The following ENOX1 variants were observed in gnomAD, a reference collection of about 807,000 sequenced individuals.
The protein encoded by ENOX1 is candidate growth-related and time keeping constitutive hydroquinone (NADH) oxidase.
ENOX1 carries 42 observed loss-of-function variants against 82.5 expected under a neutral mutation model. The ratio of observed to expected loss-of-function variants is 0.51; its 90% CI spans 0.40 to 0.66. The LOEUF (loss-of-function observed/expected upper bound fraction) is 0.66, where lower values mean the gene tolerates loss of function less well. ENOX1 is among the 30% of genes least tolerant of loss of function. The pLI, the probability that ENOX1 is intolerant of heterozygous loss-of-function variation, is 0.00. For synonymous variants in ENOX1, 271 were observed against 282.2 expected (o/e 0.96, Z 0.40); for missense variants, 608 against 811.6 (o/e 0.75, Z 3.05).
intron 2 of ENOX1, among the ~76,000 whole-genome samples, chr13:43,512,062 G>A (rs74865112): frequency 1.3e-5 from 2 of 152,010 alleles, no homozygotes; most frequent in East Asian, 1.9e-4. Flanking sequence ...AATACTGTAT[G>A]TAGATGCATA....
chr13:43,459,285 T>C (rs12863589), intron 3 of ENOX1: 2 of 152,106 alleles, frequency 1.3e-5, no homozygotes, highest in Admixed American at 6.5e-5. Flanking sequence ...TCTGGCAATT[T>C]TGGCAATCAA....
chr13:43,777,668 A>G (rs890018556), intron 1 of ENOX1, among the ~76,000 whole-genome samples: 44 of 150,594 alleles, frequency 2.9e-4, no homozygotes, highest in African/African-American at 1.1e-3. Flanking sequence ...TCAGCCCCCC[A>G]GGTAGCTGGG....
At chr13:43,741,870 G>A (rs966964536) in intron 1 of ENOX1, among the ~76,000 whole-genome samples, 3 of 152,094 alleles carry the variant, frequency 2.0e-5, no homozygotes, top group African/African-American at 7.2e-5. Context: ...TATAGCTTTA[G>A]GTCTTATTTT....
chr13:43,728,699 C>T (rs2089144703), intron 1 of ENOX1, among the ~76,000 whole-genome samples: 1 of 152,150 alleles, frequency 6.6e-6, no homozygotes, highest in South Asian at 2.1e-4. Context: ...GGGAGATGCA[C>T]TGGGAATTTC....
chr13:43,475,076 G>A (rs753707253), intron 3 of ENOX1, among the ~76,000 whole-genome samples: 10 of 152,194 alleles, frequency 6.6e-5, no homozygotes, highest in Non-Finnish European at 1.3e-4. Flanking sequence ...GAGTTTACAC[G>A]GTGTTGGAAT....
chr13:43,612,154 C>G (rs543593906), intron 2 of ENOX1, among the ~76,000 whole-genome samples: 1 of 152,246 alleles, frequency 6.6e-6, no homozygotes, highest in South Asian at 2.1e-4. Context: ...TTCAACTACT[C>G]TGGAAGCTGA....
chr13:43,734,564 C>T (rs1037585500), intron 1 of ENOX1, among the ~76,000 whole-genome samples: 6 of 152,190 alleles, frequency 3.9e-5, no homozygotes, highest in African/African-American at 1.4e-4. Context: ...GGCAACAAGG[C>T]AAATCCAAAA....
chr13:43,341,402 G>C (rs983233619), intron 9 of ENOX1, among the ~76,000 whole-genome samples: 2 of 152,084 alleles, frequency 1.3e-5, no homozygotes, highest in African/African-American at 4.8e-5. Context: ...TATAGGATAA[G>C]AAGAAGTCAA....
chr13:43,231,843 G>A (rs903990779), intron 15 of ENOX1, among the ~76,000 whole-genome samples: 4 of 152,202 alleles, frequency 2.6e-5, no homozygotes, highest in Non-Finnish European at 5.9e-5. Flanking sequence ...GCATAAATCA[G>A]GCCAGCGTTT....
rs575348700 is a variant in ENOX1 at position 43,253,789 on chromosome 13, G to C, written c.1611+11609C>G. 5.1e-5 allele frequency among the ~76,000 whole-genome samples: 3 copies of C among 59,264 alleles called. No individual in the cohort carries two copies. In the East Asian group the frequency reaches 1.7e-3, roughly 34 times the overall value. 38.9% of individuals were successfully genotyped at this position (59,264 alleles called of 152,430 possible). On this transcript the variant is annotated intron_variant, in intron 14 of 16. Transcript: ENST00000690772. ...GTCCCCTCCCCTGCTGCCTTCATGA[G>C]GCACTAGGGTAATCTGCTTCTGTCC...
At chr13:43,301,274 A>G (rs1245013182) in intron 11 of ENOX1, among the ~76,000 whole-genome samples, 1 of 152,246 alleles carries the variant, frequency 6.6e-6, no homozygotes, top group Non-Finnish European at 1.5e-5. Context: ...ACATTTTCCA[A>G]ATGAATTGCA....
chr13:43,325,005 A>G (rs1251009578), intron 10 of ENOX1, among the ~76,000 whole-genome samples: 1 of 152,226 alleles, frequency 6.6e-6, no homozygotes, highest in Admixed American at 6.5e-5. Context: ...AAAATAAATA[A>G]TTCACAGACT....
At chr13:43,250,841 T>G (rs1175085638) in intron 14 of ENOX1, among the ~76,000 whole-genome samples, 1 of 152,186 alleles carries the variant, frequency 6.6e-6, no homozygotes, top group Non-Finnish European at 1.5e-5. Flanking sequence ...TAAAATATAT[T>G]AAATACAGTA....
chr13:43,410,119 G>A (rs965822984), intron 5 of ENOX1, among the ~76,000 whole-genome samples: 10 of 152,106 alleles, frequency 6.6e-5, no homozygotes, highest in South Asian at 2.1e-4. Context: ...TGGTTAAAAC[G>A]TCAGAAGACT....
chr13:43,531,981 G>A (rs145538724), intron 2 of ENOX1, among the ~76,000 whole-genome samples: 4,353 of 151,234 alleles, frequency 0.029, 217 homozygotes, highest in African/African-American at 0.099. Context: ...GCTAAATGAC[G>A]AGTTAATGGG....
At chr13:43,619,284 T>C (rs2082621968) in intron 2 of ENOX1, among the ~76,000 whole-genome samples, 1 of 151,794 alleles carries the variant, frequency 6.6e-6, no homozygotes, top group Non-Finnish European at 1.5e-5. Flanking sequence ...TGTTGAAGAG[T>C]GGTGGTGAGA....
chr13:43,647,839 A>T (rs1205257520), intron 2 of ENOX1, among the ~76,000 whole-genome samples: 1 of 152,232 alleles, frequency 6.6e-6, no homozygotes, highest in Non-Finnish European at 1.5e-5. Flanking sequence ...ACTCAATCTA[A>T]TCACATCAGT....
At chr13:43,346,876 T>C (rs1017726253) in intron 8 of ENOX1, among the ~76,000 whole-genome samples, 1 of 152,160 alleles carries the variant, frequency 6.6e-6, no homozygotes, top group Admixed American at 6.5e-5. Context: ...GAAATCTTTT[T>C]TTTTTTCCTC....
At chr13:43,576,895 C>A (rs1202515292) in intron 2 of ENOX1, among the ~76,000 whole-genome samples, 1 of 152,138 alleles carries the variant, frequency 6.6e-6, no homozygotes, top group Non-Finnish European at 1.5e-5. Context: ...TATAGTCAGT[C>A]CAAAATACTG....
Sources: gnomAD v4.1 joint callset for allele counts (sites outside exome capture counted in the v4.1 genomes callset) on GRCh38, gnomAD v4.1.1 for gene constraint, MANE v1.5 for transcripts, NCBI Gene and HGNC (gene_info 2026-07-23, HGNC 2026-07-21) for gene names.